The following RIC3 variants were observed in gnomAD, a reference collection of about 807,000 sequenced individuals.
The protein encoded by RIC3 is protein RIC-3.
RIC3 carries 28 observed loss-of-function variants against 27.3 expected under a neutral mutation model. The observed-to-expected ratio is 1.02, with a 90% CI of 0.76 to 1.41. RIC3 has a LOEUF of 1.41. Among genes scored for constraint, RIC3 ranks in the 40% most tolerant of loss-of-function variants. RIC3 has a pLI of 0.00. For missense variants in RIC3, 501 were observed against 444.7 expected (o/e 1.13, Z -1.14); for synonymous variants, 184 against 160.4 (o/e 1.15, Z -1.11).
chr11:8,099,728 C>G, the RIC3 span, among the ~76,000 whole-genome samples: 4 of 152,090 alleles, frequency 2.6e-5, no homozygotes, highest in Non-Finnish European at 5.9e-5. Flanking sequence ...TAAGAAATGT[C>G]AAGGTATGTG....
At chr11:8,140,434 A>G (rs555860163) in intron 1 of RIC3, among the ~76,000 whole-genome samples, 20 of 152,040 alleles carry the variant, frequency 1.3e-4, no homozygotes, top group African/African-American at 4.8e-4. Flanking sequence ...CATTTTTCAG[A>G]CTCCCATACA....
At chr11:8,149,856 T>C (rs1950062702) in intron 1 of RIC3, among the ~76,000 whole-genome samples, 1 of 152,208 alleles carries the variant, frequency 6.6e-6, no homozygotes, top group African/African-American at 2.4e-5. Flanking sequence ...AATCCACCAC[T>C]GCTATCAACC....
rs771833726 is a variant in RIC3, at chr11:8,168,942, G to A, written c.48C>T (p.Val16=). 3.1e-6 allele frequency: 5 copies of A among 1,610,588 alleles called. No individual in the cohort carries two copies. The South Asian group carries it at 5.5e-5, about 18-fold the overall frequency. ...TGGGCAGCAGCAGCGACAGAGCCAG[G>A]ACAAGCCCAGAAGCCAGAGCGACTC... ...VQRVALASGL[V]LALSLLLPKA... is the part of the protein sequence containing the mutation. The change falls in exon 1 of 6, where the codon GTC becomes GTT. Residue 16 remains valine (V), a synonymous_variant. Coordinates refer to ENST00000309737, the MANE Select transcript of RIC3 (RefSeq NM_001206671.4).
intron 1 of RIC3, among the ~76,000 whole-genome samples, chr11:8,154,359 G>C (rs905858862): frequency 2.0e-5 from 3 of 152,108 alleles, no homozygotes; most frequent in African/African-American, 7.2e-5. Context: ...ATATTGCCTT[G>C]AATGTTTTAA....
At chr11:8,135,075 G>A (rs1410510276) in intron 4 of RIC3, among the ~76,000 whole-genome samples, 2 of 152,072 alleles carry the variant, frequency 1.3e-5, no homozygotes, top group Admixed American at 1.3e-4. Flanking sequence ...CCACGCCTAT[G>A]GTATTGCCTA....
chr11:8,103,452 G>A (rs1050927710), downstream of RIC3: 2 of 152,400 alleles, frequency 1.3e-5, no homozygotes, highest in Admixed American at 1.3e-4. Context: ...GACTTGTTTT[G>A]ACTTAAGTAG....
chr11:8,101,893 T>C (rs984715848), downstream of RIC3: 6 of 453,120 alleles, frequency 1.3e-5, no homozygotes, highest in African/African-American at 7.8e-5. Context: ...CTTGGGGTAG[T>C]AGTGTGTTGT....
At chr11:8,155,479 G>A (rs2134183687) in intron 1 of RIC3, among the ~76,000 whole-genome samples, 1 of 152,206 alleles carries the variant, frequency 6.6e-6, no homozygotes, top group African/African-American at 2.4e-5. Flanking sequence ...GGGAAGCTAA[G>A]GCAGGAGAAT....
At chr11:8,163,050 C>T (rs538012402) in intron 1 of RIC3, among the ~76,000 whole-genome samples, 1,723 of 128,242 alleles carry the variant, frequency 0.013, 20 homozygotes, top group Middle Eastern at 0.032. Context: ...CACACACACA[C>T]ATACACACAC....
intron 1 of RIC3, among the ~76,000 whole-genome samples, chr11:8,156,663 T>C (rs755592140): frequency 2.0e-5 from 3 of 152,224 alleles, no homozygotes; most frequent in South Asian, 4.1e-4. Context: ...CTTCTGAGCC[T>C]ATGCTTATCC....
chr11:8,160,179 C>A (rs1590392617), intron 1 of RIC3, among the ~76,000 whole-genome samples: 2 of 152,054 alleles, frequency 1.3e-5, no homozygotes, highest in Admixed American at 6.5e-5. Flanking sequence ...GAGATGCATA[C>A]TGAAGCATTT....
intron 5 of RIC3, among the ~76,000 whole-genome samples, chr11:8,115,826 G>C (rs1047288526): frequency 6.6e-6 from 1 of 152,144 alleles, no homozygotes; most frequent in Admixed American, 6.6e-5. Flanking sequence ...ACTATACAAA[G>C]CAATCTACAG....
rs768839094 is a variant in RIC3 at position 8,111,121 on chromosome 11, A to G, written c.687T>C (p.Thr229=). 1 of 1,603,332 alleles carries G rather than the reference A, an allele frequency of 6.2e-7. No homozygotes were observed. Residue 229 remains threonine, a synonymous_variant, in exon 6 of 6, where the codon ACT becomes ACC. Coordinates refer to ENST00000309737, the MANE Select transcript of RIC3 (RefSeq NM_001206671.4). The part of the protein sequence containing the change: ...MEDWEGYPEE[T]YPIYDLSDCI... ...AGTCTGAAAGGTCATAAATTGGGTA[A>G]GTCTCTTCAGGGTAACCTAGAGAGA...
At chr11:8,136,436 C>T (rs997738079) in intron 4 of RIC3, among the ~76,000 whole-genome samples, 2 of 152,216 alleles carry the variant, frequency 1.3e-5, no homozygotes, top group Non-Finnish European at 2.9e-5. Context: ...CTAGCTGAAA[C>T]TGAACCCTTC....
At chr11:8,121,495 C>A (rs1020512465) in intron 5 of RIC3, among the ~76,000 whole-genome samples, 1 of 151,970 alleles carries the variant, frequency 6.6e-6, no homozygotes, top group African/African-American at 2.4e-5. Context: ...GTGGGCAGAT[C>A]GCTTGAGGCC....
At chr11:8,121,175 C>A (rs1946407100) in intron 5 of RIC3, among the ~76,000 whole-genome samples, 1 of 152,236 alleles carries the variant, frequency 6.6e-6, no homozygotes, top group South Asian at 2.1e-4. Flanking sequence ...AGGTTAATAT[C>A]TTTAAAAATT....
chr11:8,103,147 A>C (rs1348855875), downstream of RIC3: 1 of 152,266 alleles, frequency 6.6e-6, no homozygotes, highest in African/African-American at 2.4e-5. Flanking sequence ...TTCTCGGTCT[A>C]GGTGGGAGAG....
the RIC3 span, among the ~76,000 whole-genome samples, chr11:8,093,361 G>C: frequency 6.6e-6 from 1 of 152,122 alleles, no homozygotes; most frequent in East Asian, 1.9e-4. Context: ...TGGTGCCCCA[G>C]AGGTGGGGAG....
intron 1 of RIC3, among the ~76,000 whole-genome samples, chr11:8,144,372 C>T (rs1201077597): frequency 6.7e-6 from 1 of 149,996 alleles, no homozygotes; most frequent in South Asian, 2.2e-4. Context: ...GGGTGAAGGA[C>T]ATGAACAGAC....
Sources: allele counts gnomAD v4.1 joint callset (sites outside exome capture counted in the v4.1 genomes callset), GRCh38; gene constraint gnomAD v4.1.1; transcripts MANE v1.5; gene names NCBI Gene and HGNC (gene_info 2026-07-23, HGNC 2026-07-21).